The following LRRC2 variants were observed in gnomAD, a reference collection of about 807,000 sequenced individuals.
LRRC2 encodes the protein leucine-rich repeat-containing protein 2.
Under a neutral mutation model 40.2 loss-of-function variants are expected in LRRC2, and 27 were observed. That is an observed-to-expected ratio of 0.67 (90% CI 0.49 to 0.93). The LOEUF (loss-of-function observed/expected upper bound fraction) is 0.93. Ranked by LOEUF, LRRC2 falls within the 40% of genes least tolerant of loss-of-function variation. The probability of loss-of-function intolerance (pLI) is 0.00; values close to 1 mark genes in which losing one functional copy is unlikely to be tolerated. For missense variants in LRRC2, 402 were observed against 439.6 expected (o/e 0.91, Z 0.76); for synonymous variants, 147 against 158.9 (o/e 0.92, Z 0.56).
intron 3 of LRRC2, 133 bp from the exon 4 acceptor site, chr3:46,539,334 C>T: frequency 1.3e-6 from 1 of 792,004 alleles, no homozygotes; most frequent in Non-Finnish European, 2.0e-6. Flanking sequence ...CACCAGCACT[C>T]CAGCCATTTC....
chr3:46,563,804 T>C (rs1704999530), intron 1 of LRRC2, among the ~76,000 whole-genome samples: 1 of 152,206 alleles, frequency 6.6e-6, no homozygotes, highest in African/African-American at 2.4e-5. Flanking sequence ...CAGGTCATAC[T>C]GTAGCATACG....
Position 46,529,977 on chromosome 3 carries a change from A to C in LRRC2, c.701T>G (p.Leu234Arg), listed in dbSNP as rs1704130464. 6.2e-7 allele frequency: 1 copy of C among 1,614,066 alleles called. No homozygotes were observed. The highest frequency in any genetic ancestry group is 1.1e-5 in the South Asian group (1 of 91,090). Residue 234 changes from leucine (L) to arginine (R), a missense_variant, in exon 6 of 9, where the codon CTG becomes CGG. Transcript: ENST00000395905. ...CAACCACTGCAAATTCGACATCCGC[A>C]GGACACAGATTGGGACACTGGAAAA... The part of the protein sequence containing the change: ...NKFSSVPICV[L>R]RMSNLQWLDI...
intron 2 of LRRC2, among the ~76,000 whole-genome samples, chr3:46,550,460 T>C (rs1310609142): frequency 1.4e-5 from 2 of 141,838 alleles, no homozygotes; most frequent in South Asian, 2.3e-4. Flanking sequence ...CTCAGCTCAC[T>C]GCAAGCTCTG....
At chr3:46,541,088 C>G (rs1704376132) in intron 3 of LRRC2, among the ~76,000 whole-genome samples, 1 of 152,102 alleles carries the variant, frequency 6.6e-6, no homozygotes, top group African/African-American at 2.4e-5. Flanking sequence ...AATCCCAGCA[C>G]TTTGGGAGGC....
intron 7 of LRRC2, 75 bp from the exon 8 acceptor site, chr3:46,521,733 AC>A: frequency 6.9e-7 from 1 of 1,448,478 alleles, no homozygotes; most frequent in Non-Finnish European, 9.3e-7. Flanking sequence ...ACATAAAATA[AC>A]CTCTGTTATC....
rs1197690396 is a variant in LRRC2, at chr3:46,516,290, G to A, written c.*2724C>T. 6.6e-6 allele frequency: 1 copy of A among 151,992 alleles called. No homozygotes were observed. Among genetic ancestry groups the A allele is most frequent in the East Asian group, 1.9e-4 (1 of 5,186 alleles). 9.4% of individuals were successfully genotyped at this position (151,992 alleles called of 1,614,324 possible). Reference sequence around the variant, plus strand: ...TCTCTTAGCCTACTTCTCAGAGTTTGTTTCTAAGTGGAAGCAGTCCTCCAC... The same window carrying A: ...TCTCTTAGCCTACTTCTCAGAGTTTATTTCTAAGTGGAAGCAGTCCTCCAC... On this transcript the variant is annotated 3_prime_UTR_variant, in exon 9 of 9. Transcript: ENST00000395905.
At chr3:46,536,799 A>G (rs928044767) in intron 4 of LRRC2, among the ~76,000 whole-genome samples, 3 of 152,186 alleles carry the variant, frequency 2.0e-5, no homozygotes, top group Admixed American at 2.0e-4. Context: ...TGAATAGTAC[A>G]TTGGTGTAGT....
intron 1 of LRRC2, among the ~76,000 whole-genome samples, chr3:46,565,564 T>C (rs1357381737): frequency 1.3e-5 from 2 of 152,146 alleles, no homozygotes; most frequent in Non-Finnish European, 2.9e-5. Context: ...GGGTGAATAA[T>C]GGGTGAACCC....
At chr3:46,544,824 G>A (rs960920114) in intron 3 of LRRC2, among the ~76,000 whole-genome samples, 1 of 152,230 alleles carries the variant, frequency 6.6e-6, no homozygotes, top group Non-Finnish European at 1.5e-5. Flanking sequence ...CATCCTGAAA[G>A]ACTGTGCTGC....
intron 3 of LRRC2, among the ~76,000 whole-genome samples, chr3:46,542,470 C>T (rs1370173540): frequency 6.8e-6 from 1 of 146,734 alleles, no homozygotes; most frequent in African/African-American, 2.5e-5. Flanking sequence ...GCACTCCAGA[C>T]AGAGTGACTA....
chr3:46,544,081 T>C (rs936185382), intron 3 of LRRC2, among the ~76,000 whole-genome samples: 1 of 152,138 alleles, frequency 6.6e-6, no homozygotes, highest in Non-Finnish European at 1.5e-5. Context: ...TCGGATCACA[T>C]GGCTAATAAA....
chr3:46,533,486 C>T (rs1377282408), intron 4 of LRRC2, among the ~76,000 whole-genome samples: 3 of 152,162 alleles, frequency 2.0e-5, no homozygotes, highest in Non-Finnish European at 4.4e-5. Flanking sequence ...TTGAAAATAT[C>T]ATAAGTCAAA....
intron 3 of LRRC2, 124 bp from the exon 4 acceptor site, chr3:46,539,325 A>C: frequency 1.2e-6 from 1 of 864,100 alleles, no homozygotes; most frequent in South Asian, 1.6e-5. Flanking sequence ...AAACTTAACC[A>C]CCAGCACTCC....
At chr3:46,529,751 T>C (rs1438183481) in intron 6 of LRRC2, among the ~76,000 whole-genome samples, 154 bp downstream of exon 6, 1 of 152,238 alleles carries the variant, frequency 6.6e-6, no homozygotes, top group Admixed American at 6.5e-5. Flanking sequence ...TCTTATTCTA[T>C]AATTTCCTCG....
chr3:46,544,719 C>A (rs1490721959), intron 3 of LRRC2, among the ~76,000 whole-genome samples: 1 of 152,148 alleles, frequency 6.6e-6, no homozygotes, highest in African/African-American at 2.4e-5. Context: ...ACTGCCAGGG[C>A]GTTAGTTGAA....
At chr3:46,532,685 A>G in intron 5 of LRRC2, 88 bp downstream of exon 5, 1 of 1,306,080 alleles carries the variant, frequency 7.7e-7, no homozygotes, top group Non-Finnish European at 1.1e-6. Context: ...TAGATTTCAT[A>G]TGTTAAAACT....
At position 46,532,164 on chromosome 3, in the gene LRRC2, A is replaced by C. The variant is rs536632591; in HGVS notation, c.627+609T>G. On this transcript the variant is annotated intron_variant, in intron 5 of 8. Transcript: ENST00000395905. ...TTTTACCATTGTGGATAAATAAATC[A>C]GGATCTGCATTAGAGACAACAGGCA... Among the ~76,000 whole-genome samples the C allele has an allele frequency of 7.9e-5, 12 of 152,356 alleles. No individual in the cohort carries two copies. In the South Asian group the frequency reaches 1.4e-3, roughly 18 times the overall value.
rs975300494 is a variant in LRRC2 at position 46,515,508 on chromosome 3, A to G, written c.*3506T>C. The G allele has an allele frequency of 6.6e-6, 1 of 152,162 alleles. No individual in the cohort carries two copies. Among genetic ancestry groups the G allele is most frequent in the African/African-American group, 2.4e-5 (1 of 41,448 alleles). 9.4% of individuals were successfully genotyped at this position (152,162 alleles called of 1,614,324 possible). ...CTATTTGCATCATGTCAAATTTTCA[A>G]ATCTCCATATTTTCACAAGATATAT... On this transcript the variant is annotated 3_prime_UTR_variant, in exon 9 of 9. Coordinates refer to ENST00000395905, the MANE Select transcript of LRRC2 (RefSeq NM_024512.5).
chr3:46,548,971 GC>G (rs10718461), intron 2 of LRRC2, among the ~76,000 whole-genome samples: 12,165 of 152,184 alleles, frequency 0.08, 568 homozygotes, highest in South Asian at 0.17. Flanking sequence ...ATGCCCGCTT[GC>G]CCCCTGCACA....
Sources: allele counts gnomAD v4.1 joint callset (sites outside exome capture counted in the v4.1 genomes callset), GRCh38; gene constraint gnomAD v4.1.1; transcripts MANE v1.5; gene names NCBI Gene and HGNC (gene_info 2026-07-23, HGNC 2026-07-21).